The following MEGF6 variants were observed in gnomAD, a reference collection of about 807,000 sequenced individuals.
MEGF6 encodes the protein multiple epidermal growth factor-like domains protein 6.
A neutral mutation model predicts 207.1 loss-of-function variants in MEGF6; 184 were observed. The ratio of observed to expected loss-of-function variants is 0.89; its 90% CI spans 0.79 to 1.00. The LOEUF (loss-of-function observed/expected upper bound fraction) is 1.00. MEGF6 is among the 50% of genes least tolerant of loss of function. The probability of loss-of-function intolerance (pLI) is 0.00; values close to 1 mark genes in which losing one functional copy is unlikely to be tolerated. For missense variants in MEGF6, 2,282 were observed against 2,202.9 expected, an observed-to-expected ratio of 1.04 and a Z score of -0.72; for synonymous variants, 1,038 against 910.0, an observed-to-expected ratio of 1.14 and a Z score of -2.53.
chr1:3,623,135 T>C, the MEGF6 span: 2 of 138,560 alleles, frequency 1.4e-5, no homozygotes, highest in Non-Finnish European at 3.2e-5. Flanking sequence ...CTCTCCCCCA[T>C]TCTCCCTCTT....
At chr1:3,605,368 CTCAA>C (rs1242248954) in intron 1 of MEGF6, among the ~76,000 whole-genome samples, 2 of 42,726 alleles carry the variant, frequency 4.7e-5, no homozygotes, top group African/African-American at 9.3e-5. Context: ...TTCACACACA[CTCAA>C]TCACACTCAC....
At chr1:3,599,356 C>T (rs1417291346) in intron 2 of MEGF6, among the ~76,000 whole-genome samples, 1 of 152,224 alleles carries the variant, frequency 6.6e-6, no homozygotes, top group Non-Finnish European at 1.5e-5. Context: ...AGGGTGCCCT[C>T]GGGCTGTGGG....
chr1:3,497,560 G>T (rs190108460), intron 26 of MEGF6, 199 bp from the exon 27 acceptor site: 2 of 751,026 alleles, frequency 2.7e-6, no homozygotes, highest in Non-Finnish European at 4.5e-6. Context: ...GGTGGCAGGG[G>T]CCTCCCCACC....
chr1:3,578,536 TGG>T (rs60070220), intron 4 of MEGF6, among the ~76,000 whole-genome samples: 4,459 of 138,640 alleles, frequency 0.032, 216 homozygotes, highest in African/African-American at 0.1. Flanking sequence ...GCAGGGGCCC[TGG>T]GGGGGGGGGG....
intron 4 of MEGF6, among the ~76,000 whole-genome samples, chr1:3,551,466 T>A (rs1402599955): frequency 6.6e-6 from 1 of 152,026 alleles, no homozygotes; most frequent in Non-Finnish European, 1.5e-5. Context: ...CTCTGGGCAG[T>A]GCCTCCCCTG....
chr1:3,569,164 C>T (rs1222238310), intron 4 of MEGF6, among the ~76,000 whole-genome samples: 1 of 152,272 alleles, frequency 6.6e-6, no homozygotes, highest in East Asian at 1.9e-4. Context: ...CACCAGCCGC[C>T]TGTTCAGGGG....
rs546526124 is a variant in MEGF6, at chr1:3,499,800, C to T, written c.2832G>A (p.Glu944=). ...CPAGWRGTFC[E]HACPAGFFGL... ...CCCGCCTGTGCCGTAGCTCACCATGCTCGCAGAAGGTGCCCCTCCAGCCGG... is the reference window on the plus strand; with the variant it reads ...CCCGCCTGTGCCGTAGCTCACCATGTTCGCAGAAGGTGCCCCTCCAGCCGG... The change falls in exon 22 of 37, where the codon GAG becomes GAA. Residue 944 remains glutamate (E), a synonymous_variant. Transcript: ENST00000356575. 20 of 1,559,440 alleles carry T rather than the reference C, an allele frequency of 1.3e-5. No individual in the cohort carries two copies. Among genetic ancestry groups the T allele is most frequent in the African/African-American group, 1.1e-4 (8 of 73,592 alleles).
At chr1:3,531,747 G>A (rs1642182684) in intron 4 of MEGF6, among the ~76,000 whole-genome samples, 1 of 152,084 alleles carries the variant, frequency 6.6e-6, no homozygotes, top group African/African-American at 2.4e-5. Context: ...ACAAACATGT[G>A]TGTTCTTGGA....
intron 5 of MEGF6, among the ~76,000 whole-genome samples, chr1:3,517,985 G>A (rs556998352): frequency 3.9e-5 from 6 of 152,346 alleles, no homozygotes; most frequent in East Asian, 1.9e-4. Context: ...TCCGCAATCC[G>A]GCCCGACATT....
At chr1:3,575,306 C>G (rs1643611135) in intron 4 of MEGF6, among the ~76,000 whole-genome samples, 1 of 152,142 alleles carries the variant, frequency 6.6e-6, no homozygotes, top group Admixed American at 6.5e-5. Context: ...TCTGATGAAA[C>G]TGATACTCTG....
At chr1:3,551,337 G>A (rs887702563) in intron 4 of MEGF6, among the ~76,000 whole-genome samples, 1 of 152,172 alleles carries the variant, frequency 6.6e-6, no homozygotes, top group Non-Finnish European at 1.5e-5. Context: ...TGCTGGGGAC[G>A]ACAGGACCTA....
intron 17 of MEGF6, among the ~76,000 whole-genome samples, chr1:3,504,376 C>T (rs1252088760): frequency 2.0e-5 from 3 of 152,082 alleles, no homozygotes; most frequent in Non-Finnish European, 4.4e-5. Context: ...ATGACACACT[C>T]GGGTATTTCC....
At chr1:3,622,461 G>A in the MEGF6 span, among the ~76,000 whole-genome samples, 3 of 152,096 alleles carry the variant, frequency 2.0e-5, no homozygotes, top group Non-Finnish European at 2.9e-5. Context: ...CCAGCTTCAG[G>A]TAAGTTCTTC....
intron 4 of MEGF6, among the ~76,000 whole-genome samples, chr1:3,539,478 A>T (rs1570092343): frequency 6.6e-6 from 1 of 151,872 alleles, no homozygotes; most frequent in East Asian, 1.9e-4. Context: ...GCCAGGAGGG[A>T]ATGGTGGGTT....
chr1:3,618,459 C>G, the MEGF6 span, among the ~76,000 whole-genome samples: 1 of 152,078 alleles, frequency 6.6e-6, no homozygotes, highest in Non-Finnish European at 1.5e-5. The surrounding 1 kb of genome is among the most constrained non-coding windows in gnomAD (Gnocchi z 4.7). Flanking sequence ...TGGGAAGCAG[C>G]GCAAAACCAT....
chr1:3,552,039 G>A (rs532824903), intron 4 of MEGF6, among the ~76,000 whole-genome samples: 6 of 152,164 alleles, frequency 3.9e-5, no homozygotes, highest in Admixed American at 6.5e-5. Context: ...GCCCAGGCAC[G>A]GGAGGGGACC....
At chr1:3,612,356 T>C (rs35761570), upstream of MEGF6, among the ~76,000 whole-genome samples, 31,476 of 152,124 alleles carry the variant, frequency 0.21, 3,502 homozygotes, top group East Asian at 0.36. Flanking sequence ...AGGCACTGTC[T>C]AGGGTGAGGC....
At chr1:3,550,290 G>A (rs6675513) in intron 4 of MEGF6, among the ~76,000 whole-genome samples, 6,725 of 152,262 alleles carry the variant, frequency 0.044, 209 homozygotes, top group Middle Eastern at 0.075. Flanking sequence ...GCCCACCAGC[G>A]GGTGATGAAG....
chr1:3,604,617 A>T (rs1644214728), intron 1 of MEGF6, among the ~76,000 whole-genome samples: 1 of 152,134 alleles, frequency 6.6e-6, no homozygotes, highest in South Asian at 2.1e-4. Context: ...CTCGTTCAGG[A>T]GTGCCTCCTC....
Sources: gnomAD v4.1 joint callset for allele counts (sites outside exome capture counted in the v4.1 genomes callset) on GRCh38, gnomAD v4.1.1 for gene constraint, Gnocchi (gnomAD v3.1) non-coding constraint, MANE v1.5 for transcripts, NCBI Gene and HGNC (gene_info 2026-07-23, HGNC 2026-07-21) for gene names.